PRIMA1: variants seen among roughly 807,000 people sequenced by gnomAD.
PRIMA1 encodes proline-rich membrane anchor 1.
A neutral mutation model predicts 17.5 loss-of-function variants in PRIMA1; 7 were observed. The ratio of observed to expected loss-of-function variants is 0.40; its 90% CI spans 0.23 to 0.75. The LOEUF (loss-of-function observed/expected upper bound fraction) is 0.75, where lower values mean the gene tolerates loss of function less well. PRIMA1 is among the 30% of genes least tolerant of loss of function. PRIMA1 has a pLI of 0.37. For synonymous variants in PRIMA1, 97 were observed against 77.9 expected (o/e 1.25, Z -1.29); for missense variants, 200 against 201.8 (o/e 0.99, Z 0.05).
chr14:93,773,351 T>A (rs898011804), intron 3 of PRIMA1, among the ~76,000 whole-genome samples: 1 of 152,230 alleles, frequency 6.6e-6, no homozygotes, highest in African/African-American at 2.4e-5. Flanking sequence ...GCTGAGATTG[T>A]CATTCTGTAG....
intron 4 of PRIMA1, among the ~76,000 whole-genome samples, chr14:93,732,514 G>A (rs2076121094): frequency 6.6e-6 from 1 of 152,188 alleles, no homozygotes; most frequent in Non-Finnish European, 1.5e-5. Flanking sequence ...TTCTTTGGGG[G>A]CAGTCTGGTC....
At chr14:93,753,922 CAG>C (rs2076275594) in intron 3 of PRIMA1, among the ~76,000 whole-genome samples, 2 of 152,328 alleles carry the variant, frequency 1.3e-5, no homozygotes, top group Admixed American at 6.5e-5. Flanking sequence ...GCGATTTACA[CAG>C]AGTCACGGGC....
At chr14:93,748,077 T>C (rs1338374799) in intron 3 of PRIMA1, among the ~76,000 whole-genome samples, 14 of 151,800 alleles carry the variant, frequency 9.2e-5, no homozygotes, top group African/African-American at 3.1e-4. Flanking sequence ...AATGTGTATG[T>C]GTGTGAGTGC....
intron 3 of PRIMA1, among the ~76,000 whole-genome samples, chr14:93,746,901 C>T (rs1391518911): frequency 6.6e-6 from 1 of 152,060 alleles, no homozygotes; most frequent in African/African-American, 2.4e-5. Context: ...CTGTCACCAA[C>T]TGATGGGGAA....
At chr14:93,748,209 G>C (rs962437284) in intron 3 of PRIMA1, among the ~76,000 whole-genome samples, 1 of 152,088 alleles carries the variant, frequency 6.6e-6, no homozygotes, top group Non-Finnish European at 1.5e-5. Flanking sequence ...GCCTGTGCCC[G>C]GTGTGTGTGA....
At chr14:93,725,460 C>T (rs904335416) in intron 4 of PRIMA1, among the ~76,000 whole-genome samples, 33 of 152,110 alleles carry the variant, frequency 2.2e-4, no homozygotes, top group African/African-American at 8.0e-4. Context: ...CCTCTGCACC[C>T]CCCCAACTCC....
At chr14:93,728,233 C>T (rs571247973) in intron 4 of PRIMA1, among the ~76,000 whole-genome samples, 19 of 152,244 alleles carry the variant, frequency 1.2e-4, no homozygotes, top group Non-Finnish European at 2.4e-4. Flanking sequence ...TGGCCTCGAC[C>T]TGGCACCAGG....
intron 3 of PRIMA1, among the ~76,000 whole-genome samples, chr14:93,770,655 G>A (rs1165470318): frequency 3.3e-5 from 5 of 152,270 alleles, no homozygotes; most frequent in South Asian, 2.1e-4. Context: ...TCTGTAGCAT[G>A]TTATCTTCCA....
At position 93,750,186 on chromosome 14, in the gene PRIMA1, TA is replaced by T. The variant is rs879841019; in HGVS notation, c.230-12817del. On this transcript the variant is annotated intron_variant, in intron 3 of 4. Coordinates refer to ENST00000393140, the MANE Select transcript of PRIMA1 (RefSeq NM_178013.4). ...CTGGGAGATACAGTGAGACTCCGTCTAAAAAAAAAAATTTGCTGGGATAGTG... is the reference window on the plus strand; with the variant it reads ...CTGGGAGATACAGTGAGACTCCGTCTAAAAAAAAAATTTGCTGGGATAGTG... Among the ~76,000 whole-genome samples, 61 of 147,540 alleles carry T rather than the reference TA, an allele frequency of 4.1e-4. 1 individual carries two copies. Among genetic ancestry groups the T allele is most frequent in the Admixed American group, 2.2e-3 (33 of 14,808 alleles).
intron 3 of PRIMA1, among the ~76,000 whole-genome samples, chr14:93,751,201 G>T (rs1187323175): frequency 6.6e-6 from 1 of 152,178 alleles, no homozygotes; most frequent in African/African-American, 2.4e-5. Context: ...GGGCTGCCAG[G>T]GTGGCTATGC....
chr14:93,749,197 A>C (rs2076245569), intron 3 of PRIMA1, among the ~76,000 whole-genome samples: 1 of 152,044 alleles, frequency 6.6e-6, no homozygotes, highest in African/African-American at 2.4e-5. Flanking sequence ...CTGCAGACGC[A>C]CGGCTGCGCA....
chr14:93,788,078 C>A (rs953316724), intron 1 of PRIMA1, among the ~76,000 whole-genome samples: 4 of 152,180 alleles, frequency 2.6e-5, no homozygotes, highest in Non-Finnish European at 5.9e-5. Context: ...AACCCCCATA[C>A]AACTCACTCT....
intron 2 of PRIMA1, among the ~76,000 whole-genome samples, chr14:93,782,282 A>AC (rs1168455116): frequency 0.023 from 3,430 of 151,070 alleles, 136 homozygotes; most frequent in African/African-American, 0.077. Context: ...ATAAATAAAT[A>AC]AATAAATAAA....
chr14:93,753,960 G>C (rs1309412120), intron 3 of PRIMA1, among the ~76,000 whole-genome samples: 2 of 152,202 alleles, frequency 1.3e-5, no homozygotes, highest in Non-Finnish European at 2.9e-5. Context: ...CATGCAAAAG[G>C]CCACCCCTCT....
intron 3 of PRIMA1, among the ~76,000 whole-genome samples, chr14:93,773,804 T>C (rs748042102): frequency 1.3e-5 from 2 of 152,024 alleles, no homozygotes; most frequent in Non-Finnish European, 1.5e-5. Context: ...TCTCAAAAGA[T>C]TCATGGTGGC....
chr14:93,776,876 AG>A (rs1438511669), intron 3 of PRIMA1, among the ~76,000 whole-genome samples: 13 of 152,214 alleles, frequency 8.5e-5, no homozygotes, highest in African/African-American at 3.1e-4. Flanking sequence ...TTTAACAAAT[AG>A]AGAGAAAGTC....
chr14:93,776,268 G>A (rs559438923), intron 3 of PRIMA1, among the ~76,000 whole-genome samples: 1 of 152,176 alleles, frequency 6.6e-6, no homozygotes, highest in African/African-American at 2.4e-5. Context: ...CCTAGTTTTT[G>A]TATTGCTTAA....
chr14:93,753,818 C>T (rs2141174118), intron 3 of PRIMA1, among the ~76,000 whole-genome samples: 1 of 152,232 alleles, frequency 6.6e-6, no homozygotes, highest in East Asian at 1.9e-4. Flanking sequence ...AGAACAGCTC[C>T]CAGTTAAAGT....
intron 2 of PRIMA1, among the ~76,000 whole-genome samples, chr14:93,787,027 G>A (rs979771661): frequency 6.6e-5 from 10 of 152,012 alleles, no homozygotes; most frequent in African/African-American, 2.2e-4. Flanking sequence ...CATTCTGGGG[G>A]GGACTAGGGA....
Sources: allele counts gnomAD v4.1 joint callset (sites outside exome capture counted in the v4.1 genomes callset), GRCh38; gene constraint gnomAD v4.1.1; transcripts MANE v1.5; gene names NCBI Gene and HGNC (gene_info 2026-07-23, HGNC 2026-07-21).